The following PGBD5 variants were observed in gnomAD, a reference collection of about 807,000 sequenced individuals.
The protein encoded by PGBD5 is piggyBac transposable element-derived protein 5.
PGBD5 carries 14 observed loss-of-function variants against 47.9 expected under a neutral mutation model. That is an observed-to-expected ratio of 0.29 (90% CI 0.19 to 0.46). The LOEUF (loss-of-function observed/expected upper bound fraction) is 0.46, where lower values mean the gene tolerates loss of function less well. PGBD5 is among the 20% of genes least tolerant of loss of function. The probability of loss-of-function intolerance (pLI) is 1.00; values close to 1 mark genes in which losing one functional copy is unlikely to be tolerated. For missense variants in PGBD5, 635 were observed against 716.0 expected (o/e 0.89, Z 1.29); for synonymous variants, 316 against 306.3 (o/e 1.03, Z -0.33).
intron 1 of PGBD5, among the ~76,000 whole-genome samples, chr1:230,359,661 A>G (rs1368652915): frequency 6.6e-6 from 1 of 152,212 alleles, no homozygotes; most frequent in African/African-American, 2.4e-5. Context: ...AAAGGTTGTC[A>G]TGCAGCGTGA....
chr1:230,365,846 T>C (rs1364254860), intron 1 of PGBD5, among the ~76,000 whole-genome samples: 1 of 152,220 alleles, frequency 6.6e-6, no homozygotes, highest in African/African-American at 2.4e-5. Flanking sequence ...TCTTTGGATG[T>C]TGTCAGTGGG....
chr1:230,346,546 G>A (rs1389215058), intron 3 of PGBD5, among the ~76,000 whole-genome samples: 3 of 152,144 alleles, frequency 2.0e-5, no homozygotes, highest in African/African-American at 7.2e-5. Context: ...CCAGCATTCT[G>A]CACCTAAGGA....
At position 230,404,630 on chromosome 1, in the gene PGBD5, ATATAT is replaced by A. The variant is rs1209928057; in HGVS notation, c.331+20963_331+20967del. Among the ~76,000 whole-genome samples, 10 of 89,620 alleles carry A rather than the reference ATATAT, an allele frequency of 1.1e-4. No individual in the cohort carries two copies. The Admixed American group carries it at 1.3e-3, about 12-fold the overall frequency. The allele number at this position is 89,620 out of a possible 152,430, so 58.8% of individuals were successfully genotyped here. On this transcript the variant is annotated intron_variant, in intron 1 of 6. Transcript: ENST00000391860. Reference sequence around the variant, plus strand: ...TTGTCTCAAAAAAAAAAAAAAAAAAATATATATATATATATATATGGCCTGGCAAG... The same window carrying A: ...TTGTCTCAAAAAAAAAAAAAAAAAAAATATATATATATATGGCCTGGCAAG...
At chr1:230,359,668 G>A (rs554240913) in intron 1 of PGBD5, among the ~76,000 whole-genome samples, 9 of 152,298 alleles carry the variant, frequency 5.9e-5, no homozygotes, top group Admixed American at 2.0e-4. Flanking sequence ...GTCATGCAGC[G>A]TGAAATAAAT....
chr1:230,319,700 A>C lies in PGBD5; in HGVS notation c.*3725T>G, dbSNP rs1164549518. ...CAGAGTTAACTCAATTTTGGTGACC[A>C]AGCCTCATCTGATTTAGTCAGTACT... On this transcript the variant is annotated 3_prime_UTR_variant, in exon 7 of 7. Coordinates refer to ENST00000391860, the MANE Select transcript of PGBD5 (RefSeq NM_001258311.2). The C allele has an allele frequency of 1.3e-5, 2 of 152,180 alleles. No individual in the cohort carries two copies. The highest frequency in any genetic ancestry group is 4.8e-5 in the African/African-American group (2 of 41,426). The allele number at this position is 152,180 out of a possible 1,614,324, so 9.4% of individuals were successfully genotyped here. A position where few individuals can be genotyped will look rare whatever the true frequency, so the allele number is the denominator to read the frequency against.
At chr1:230,374,037 A>G (rs1380244659) in intron 1 of PGBD5, among the ~76,000 whole-genome samples, 1 of 152,190 alleles carries the variant, frequency 6.6e-6, no homozygotes, top group African/African-American at 2.4e-5. Context: ...CCACAAATTG[A>G]GAATGAATAG....
chr1:230,345,202 G>A (rs546754541), intron 3 of PGBD5, among the ~76,000 whole-genome samples: 14 of 152,158 alleles, frequency 9.2e-5, no homozygotes, highest in East Asian at 1.9e-4. Context: ...AATTTTTCCC[G>A]CTGGAGCCTC....
At chr1:230,350,376 T>A (rs897351963) in intron 3 of PGBD5, among the ~76,000 whole-genome samples, 4 of 152,188 alleles carry the variant, frequency 2.6e-5, no homozygotes, top group Non-Finnish European at 5.9e-5. Context: ...GCACCTCTTG[T>A]GAAACATGCA....
Position 230,372,590 on chromosome 1 carries a change from C to T in PGBD5, c.332-15269G>A, listed in dbSNP as rs569881984. Among the ~76,000 whole-genome samples the T allele has an allele frequency of 1.4e-4, 22 of 152,354 alleles. No individual in the cohort carries two copies. In the South Asian group the frequency reaches 3.1e-3, roughly 22 times the overall value. Reference sequence around the variant, plus strand: ...CTACTCTCCAATGGAAACCCTCCAACTGATGTGGATACAGTGGGAAAGGCT... The same window carrying T: ...CTACTCTCCAATGGAAACCCTCCAATTGATGTGGATACAGTGGGAAAGGCT... On this transcript the variant is annotated intron_variant, in intron 1 of 6. Transcript: ENST00000391860.
At chr1:230,341,966 G>T (rs1240050303) in intron 3 of PGBD5, among the ~76,000 whole-genome samples, 1 of 152,074 alleles carries the variant, frequency 6.6e-6, no homozygotes, top group Non-Finnish European at 1.5e-5. Flanking sequence ...TTGCCCCAGG[G>T]TATTATTCCT....
At position 230,323,598 on chromosome 1, in the gene PGBD5, T is replaced by C; in HGVS notation, c.1402A>G (p.Asn468Asp). 1 of 1,614,006 alleles carries C rather than the reference T, an allele frequency of 6.2e-7. No homozygotes were observed. ...YSKYFISHKP[N>D]KTWQQVFWFA... is the part of the protein sequence containing the mutation. ...CAGAACACCTGCTGCCAGGTCTTGT[T>C]TGGTTTATGAGAAATGAAATACCTG... Residue 468 changes from asparagine to aspartate, a missense_variant, in exon 7 of 7, where the codon AAC (asparagine) becomes GAC (aspartate). By Grantham distance (23) the Asn-to-Asp change is conservative (BLOSUM62 1). Transcript: ENST00000391860. The surrounding 1 kb of genome is among the most constrained non-coding windows in gnomAD (Gnocchi z 4.1).
At chr1:230,368,035 G>A (rs140217710) in intron 1 of PGBD5, 27 of 1,367,786 alleles carry the variant, frequency 2.0e-5, no homozygotes, top group Non-Finnish European at 2.4e-5. Flanking sequence ...CACATAGGCA[G>A]GAATGAATAC....
At chr1:230,395,995 CCT>C (rs1166956676) in intron 1 of PGBD5, among the ~76,000 whole-genome samples, 15 of 133,478 alleles carry the variant, frequency 1.1e-4, no homozygotes, top group South Asian at 5.2e-4. Context: ...CTTTTGCTTC[CCT>C]CTTTCTTCCC....
intron 1 of PGBD5, among the ~76,000 whole-genome samples, chr1:230,360,932 A>T (rs1192691008): frequency 1.3e-5 from 2 of 152,194 alleles, no homozygotes; most frequent in African/African-American, 4.8e-5. Flanking sequence ...GTGAGGCATC[A>T]TCCCATTCGG....
chr1:230,339,895 G>A (rs899509370), intron 3 of PGBD5, among the ~76,000 whole-genome samples: 2 of 152,142 alleles, frequency 1.3e-5, no homozygotes, highest in Non-Finnish European at 2.9e-5. Flanking sequence ...CTGTTAGATA[G>A]GAGGAATAAG....
At chr1:230,417,615 G>A (rs963342906) in intron 1 of PGBD5, among the ~76,000 whole-genome samples, 3 of 152,132 alleles carry the variant, frequency 2.0e-5, no homozygotes, top group Admixed American at 2.0e-4. Flanking sequence ...CTCTTCACCT[G>A]ACTAGTTATT....
chr1:230,377,257 C>T (rs1294859939), intron 1 of PGBD5, among the ~76,000 whole-genome samples: 3 of 152,216 alleles, frequency 2.0e-5, no homozygotes, highest in African/African-American at 7.2e-5. Flanking sequence ...AGATGTCCTG[C>T]AGATGACTTA....
intron 1 of PGBD5, among the ~76,000 whole-genome samples, chr1:230,417,467 A>G (rs149510973): frequency 2.1e-4 from 32 of 152,346 alleles, no homozygotes; most frequent in Middle Eastern, 3.4e-3. Context: ...TAGGTGTTAA[A>G]TTTTAAGATA....
intron 1 of PGBD5, among the ~76,000 whole-genome samples, chr1:230,368,705 G>A (rs2632570): frequency 6.6e-6 from 1 of 152,076 alleles, no homozygotes; most frequent in African/African-American, 2.4e-5. Context: ...GGACAGGGTC[G>A]GTAATGCCTG....
Sources: gnomAD v4.1 joint callset for allele counts (sites outside exome capture counted in the v4.1 genomes callset) on GRCh38, gnomAD v4.1.1 for gene constraint, Gnocchi (gnomAD v3.1) non-coding constraint, MANE v1.5 for transcripts, NCBI Gene and HGNC (gene_info 2026-07-23, HGNC 2026-07-21) for gene names.